The following KCNN3 variants were observed in gnomAD, a reference collection of about 807,000 sequenced individuals.
KCNN3 encodes the protein small conductance calcium-activated potassium channel protein 3.
In KCNN3, 16 loss-of-function variants were observed where a neutral mutation model predicts 62.9. The ratio of observed to expected loss-of-function variants is 0.25; its 90% CI spans 0.17 to 0.39. KCNN3 has a LOEUF of 0.39. KCNN3 is among the 10% of genes least tolerant of loss of function. The probability of loss-of-function intolerance (pLI) is 1.00; values close to 1 mark genes in which losing one functional copy is unlikely to be tolerated. For synonymous variants in KCNN3, 370 were observed against 389.2 expected (o/e 0.95, Z 0.58); for missense variants, 599 against 949.4 (o/e 0.63, Z 4.85).
intron 2 of KCNN3, among the ~76,000 whole-genome samples, chr1:154,796,741 C>T (rs945152446): frequency 3.9e-5 from 6 of 152,202 alleles, no homozygotes; most frequent in Admixed American, 1.3e-4. Flanking sequence ...ATGTGCACAG[C>T]GAACGCTGGC....
At chr1:154,724,447 C>T (rs571404231) in intron 5 of KCNN3, among the ~76,000 whole-genome samples, 11 of 152,304 alleles carry the variant, frequency 7.2e-5, no homozygotes, top group Admixed American at 2.6e-4. Context: ...CTATGGAGGC[C>T]GAGACACGGG....
chr1:154,763,290 TTTG>T (rs1463740735), intron 3 of KCNN3, among the ~76,000 whole-genome samples: 2 of 152,232 alleles, frequency 1.3e-5, no homozygotes, highest in Non-Finnish European at 2.9e-5. Context: ...TATCTTTGCC[TTTG>T]TTATAAACTT....
At chr1:154,829,834 C>T (rs1651311011) in intron 1 of KCNN3, among the ~76,000 whole-genome samples, 1 of 152,172 alleles carries the variant, frequency 6.6e-6, no homozygotes, top group African/African-American at 2.4e-5. Flanking sequence ...CCCTGGGCCC[C>T]ACACCCTTCC....
chr1:154,842,634 CCCCCCG>C (rs890192463), intron 1 of KCNN3, among the ~76,000 whole-genome samples: 5 of 20,248 alleles, frequency 2.5e-4, no homozygotes, highest in Non-Finnish European at 7.1e-4. Context: ...CAGGGACCCC[CCCCCCG>C]CCACCACCTC....
At chr1:154,814,988 G>T (rs1000220636) in intron 2 of KCNN3, among the ~76,000 whole-genome samples, 2 of 152,222 alleles carry the variant, frequency 1.3e-5, no homozygotes, top group African/African-American at 4.8e-5. Flanking sequence ...GACAGGAGAG[G>T]GATGTAAACC....
At chr1:154,810,637 G>T (rs1364728571) in intron 2 of KCNN3, among the ~76,000 whole-genome samples, 1 of 152,190 alleles carries the variant, frequency 6.6e-6, no homozygotes, top group African/African-American at 2.4e-5. Context: ...ATTTTAATAG[G>T]CAGAGGAGCC....
intron 2 of KCNN3, among the ~76,000 whole-genome samples, chr1:154,784,970 G>A (rs1162135900): frequency 6.6e-6 from 1 of 152,158 alleles, no homozygotes; most frequent in Non-Finnish European, 1.5e-5. Context: ...CCCCCAGGCT[G>A]TGCTAGGAAG....
At chr1:154,805,690 G>A (rs1650145162) in intron 2 of KCNN3, among the ~76,000 whole-genome samples, 1 of 152,110 alleles carries the variant, frequency 6.6e-6, no homozygotes, top group African/African-American at 2.4e-5. Flanking sequence ...TTCAGATTGT[G>A]CAGCTCCAGT....
intron 1 of KCNN3, among the ~76,000 whole-genome samples, chr1:154,857,318 C>G (rs951068886): frequency 3.9e-5 from 6 of 152,226 alleles, no homozygotes; most frequent in Admixed American, 3.3e-4. Flanking sequence ...GTTGAGGGCT[C>G]GGGTGGCCCC....
At chr1:154,737,840 C>G (rs181606139) in intron 3 of KCNN3, among the ~76,000 whole-genome samples, 1 of 152,122 alleles carries the variant, frequency 6.6e-6, no homozygotes, top group Non-Finnish European at 1.5e-5. Flanking sequence ...GAGGATTGCT[C>G]GTGCCCAGGA....
intron 2 of KCNN3, among the ~76,000 whole-genome samples, chr1:154,808,393 C>T (rs1650267559): frequency 1.3e-5 from 2 of 152,180 alleles, no homozygotes; most frequent in Non-Finnish European, 2.9e-5. Context: ...GACCCACCTG[C>T]ACCTGCTAGA....
At chr1:154,725,583 A>C in intron 5 of KCNN3, among the ~76,000 whole-genome samples, 1 of 142,794 alleles carries the variant, frequency 7.0e-6, no homozygotes, top group African/African-American at 2.6e-5. Flanking sequence ...TCTCTCTGTC[A>C]CCCAGGCTGG....
chr1:154,791,483 G>A (rs915016480), intron 2 of KCNN3, among the ~76,000 whole-genome samples: 9 of 152,102 alleles, frequency 5.9e-5, no homozygotes, highest in East Asian at 1.9e-4. Context: ...CCTGCACACC[G>A]GAGAGTAAGC....
intron 1 of KCNN3, among the ~76,000 whole-genome samples, chr1:154,826,057 AAAAACAAAAACAAAAACAAAAAC>A (rs1651102230): frequency 1.4e-5 from 1 of 72,230 alleles, no homozygotes; most frequent in African/African-American, 9.0e-5. Context: ...AAAAAAAAAC[AAAAACAAAAACAAAAACAAAAAC>A]AAAAACAAAA....
chr1:154,722,851 C>A (rs1700385589), intron 5 of KCNN3, among the ~76,000 whole-genome samples: 1 of 151,958 alleles, frequency 6.6e-6, no homozygotes, highest in Non-Finnish European at 1.5e-5. Flanking sequence ...CCTGCCTCAG[C>A]CTCCTGAGTA....
chr1:154,799,990 C>T (rs950045001), intron 2 of KCNN3, among the ~76,000 whole-genome samples: 12 of 152,196 alleles, frequency 7.9e-5, no homozygotes, highest in Admixed American at 6.5e-4. Context: ...CACCTGTAAA[C>T]GGAGGCCACA....
intron 1 of KCNN3, among the ~76,000 whole-genome samples, chr1:154,850,826 T>G (rs1443359195): frequency 6.6e-6 from 1 of 152,202 alleles, no homozygotes; most frequent in Non-Finnish European, 1.5e-5. Flanking sequence ...TCTGAGCATT[T>G]ATGACACATT....
At chr1:154,841,208 C>G (rs1374499216) in intron 1 of KCNN3, among the ~76,000 whole-genome samples, 1 of 152,192 alleles carries the variant, frequency 6.6e-6, no homozygotes, top group Non-Finnish European at 1.5e-5. Context: ...AAACCTCAGT[C>G]CCACAGACTC....
chr1:154,758,659 C>T (rs987375055), intron 3 of KCNN3, among the ~76,000 whole-genome samples: 1 of 152,096 alleles, frequency 6.6e-6, no homozygotes, highest in Non-Finnish European at 1.5e-5. Flanking sequence ...GCATCCAGAC[C>T]GAATGGAACG....
Sources: gnomAD v4.1 joint callset for allele counts (sites outside exome capture counted in the v4.1 genomes callset) on GRCh38, gnomAD v4.1.1 for gene constraint, MANE v1.5 for transcripts, NCBI Gene and HGNC (gene_info 2026-07-23, HGNC 2026-07-21) for gene names.